Variants in PRICKLE1 observed in about 807,000 individuals in gnomAD.
PRICKLE1 encodes prickle-like protein 1.
In PRICKLE1, 14 loss-of-function variants were observed where a neutral mutation model predicts 70.2. The ratio of observed to expected loss-of-function variants is 0.20; its 90% CI spans 0.13 to 0.31. The LOEUF is 0.31. Among genes scored for constraint, PRICKLE1 ranks in the 10% least tolerant of loss-of-function variants. PRICKLE1 has a pLI of 1.00. For missense variants in PRICKLE1, 821 were observed against 1,026.2 expected (o/e 0.80, Z 2.73); for synonymous variants, 357 against 379.9 (o/e 0.94, Z 0.70).
intron 1 of PRICKLE1, among the ~76,000 whole-genome samples, chr12:42,546,187 A>C (rs984861314): frequency 7.9e-5 from 12 of 152,212 alleles, no homozygotes; most frequent in Admixed American, 6.5e-4. Flanking sequence ...ATAAGTTATG[A>C]ATACTCTGAA....
chr12:42,572,569 T>C (rs191033961), intron 1 of PRICKLE1, among the ~76,000 whole-genome samples: 159 of 152,244 alleles, frequency 1.0e-3, no homozygotes, highest in African/African-American at 3.6e-3. Context: ...AAGCTTGTAA[T>C]TCTAGCTCTT....
At chr12:42,515,919 T>C (rs1380402925) in intron 1 of PRICKLE1, among the ~76,000 whole-genome samples, 3 of 152,226 alleles carry the variant, frequency 2.0e-5, no homozygotes, top group African/African-American at 7.2e-5. Context: ...CAGAAATTCA[T>C]GTCCTTCTGT....
intron 1 of PRICKLE1, among the ~76,000 whole-genome samples, chr12:42,500,965 C>A (rs1348851083): frequency 6.6e-6 from 1 of 152,176 alleles, no homozygotes; most frequent in Non-Finnish European, 1.5e-5. Context: ...CATGGTCAAC[C>A]ATTTCTGAAC....
At position 42,464,311 on chromosome 12, in the gene PRICKLE1, G is replaced by A. The variant is rs1593105322; in HGVS notation, c.1639+84C>T. On this transcript the variant is annotated intron_variant, in intron 7 of 7. Transcript: ENST00000345127. This position sits in a 1 kb window ranked among gnomAD's most constrained non-coding sequence, Gnocchi z 4.2. ...GCTGGAATTATAGGCATGAGCCACT[G>A]CGCCTGGCTTGAATTGCAATTTTTT... 6.5e-7 allele frequency: 1 copy of A among 1,546,062 alleles called. No individual in the cohort carries two copies. Among genetic ancestry groups the A allele is most frequent in the Non-Finnish European group, 8.9e-7 (1 of 1,120,872 alleles).
At chr12:42,564,400 A>G (rs1283290305) in intron 1 of PRICKLE1, among the ~76,000 whole-genome samples, 1 of 152,142 alleles carries the variant, frequency 6.6e-6, no homozygotes. Context: ...TGAGGTCACG[A>G]GTTCGAGATC....
intron 1 of PRICKLE1, among the ~76,000 whole-genome samples, chr12:42,580,254 A>G (rs1940876407): frequency 6.6e-6 from 1 of 152,206 alleles, no homozygotes; most frequent in Non-Finnish European, 1.5e-5. Context: ...GAATTCATTC[A>G]TTCAACAAAT....
intron 1 of PRICKLE1, among the ~76,000 whole-genome samples, chr12:42,527,374 G>A (rs11181540): frequency 6.6e-6 from 1 of 151,740 alleles, no homozygotes; most frequent in African/African-American, 2.4e-5. Context: ...CTCAAGTGAT[G>A]TGCCTGCCTT....
intron 1 of PRICKLE1, chr12:42,484,309 A>C (rs1395394479): frequency 6.6e-6 from 1 of 152,122 alleles, no homozygotes; most frequent in Admixed American, 6.5e-5. Context: ...GAGCCCAGTG[A>C]GTGAAGCCGC....
intron 1 of PRICKLE1, among the ~76,000 whole-genome samples, chr12:42,487,632 A>C (rs545040530): frequency 2.0e-5 from 3 of 152,314 alleles, no homozygotes; most frequent in Non-Finnish European, 4.4e-5. Flanking sequence ...TTACTATGTG[A>C]CAATGGGAGG....
At chr12:42,587,143 G>T (rs1421515219) in intron 1 of PRICKLE1, among the ~76,000 whole-genome samples, 3 of 152,240 alleles carry the variant, frequency 2.0e-5, no homozygotes, top group South Asian at 2.1e-4. Context: ...AGAACTGATT[G>T]AATCTGTCAC....
In PRICKLE1 at chr12:42,464,413, C is replaced by T. The variant is rs763169354; in HGVS notation, c.1621G>A (p.Ala541Thr). 2 of 1,614,104 alleles carry T rather than the reference C, an allele frequency of 1.2e-6. No individual in the cohort carries two copies. The highest frequency in any genetic ancestry group is 4.5e-5 in the East Asian group (2 of 44,856). The change falls in exon 7 of 8, where the codon GCA (alanine) becomes ACA (threonine). Residue 541 changes from alanine (A) to threonine (T), a missense_variant. Coordinates refer to ENST00000345127, the MANE Select transcript of PRICKLE1 (RefSeq NM_153026.3). This position sits in a 1 kb window ranked among gnomAD's most constrained non-coding sequence, Gnocchi z 4.2. The stretch of plus-strand genomic sequence containing the variant: ...TACGTACCTGTGATATTGGACAATG[C>T]CAAAGAATCCATCGAATCCCGAACA... The part of the protein sequence containing the change: ...QSVRDSMDSL[A>T]LSNITGASVD...
chr12:42,574,666 C>G (rs1432285534), intron 1 of PRICKLE1, among the ~76,000 whole-genome samples: 1 of 152,150 alleles, frequency 6.6e-6, no homozygotes, highest in Non-Finnish European at 1.5e-5. Flanking sequence ...ACCCTTCCAA[C>G]CTAAGAAGGC....
intron 1 of PRICKLE1, among the ~76,000 whole-genome samples, chr12:42,541,189 TCAGAACAAAA>T (rs1033115140): frequency 2.0e-5 from 3 of 152,088 alleles, no homozygotes; most frequent in African/African-American, 7.2e-5. Context: ...TCCAGATAGC[TCAGAACAAAA>T]CAGAAGTTGG....
Position 42,464,878 on chromosome 12 carries a change from T to C in PRICKLE1, c.1156A>G (p.Ser386Gly). The C allele has an allele frequency of 6.2e-7, 1 of 1,614,148 alleles. No homozygotes were observed. The highest frequency in any genetic ancestry group is 8.5e-7 in the Non-Finnish European group (1 of 1,180,036). ...DDLSLSRQGT[S>G]FASEEFWKGR... Reference sequence around the variant, plus strand: ...TTCCAAAATTCTTCACTGGCAAAACTTGTTCCTTGTCTGGAGAGACTCAGA... The same window carrying C: ...TTCCAAAATTCTTCACTGGCAAAACCTGTTCCTTGTCTGGAGAGACTCAGA... Residue 386 changes from serine to glycine, a missense_variant, in exon 7 of 8, where the codon AGT becomes GGT. Transcript: ENST00000345127. This position sits in a 1 kb window ranked among gnomAD's most constrained non-coding sequence, Gnocchi z 4.2.
chr12:42,584,133 A>G (rs1940948742), intron 1 of PRICKLE1, among the ~76,000 whole-genome samples: 1 of 152,166 alleles, frequency 6.6e-6, no homozygotes. Context: ...TCGTGAAATT[A>G]TGTGCTGATT....
intron 1 of PRICKLE1, among the ~76,000 whole-genome samples, chr12:42,539,686 T>G (rs778178443): frequency 1.2e-4 from 19 of 152,192 alleles, no homozygotes; most frequent in Non-Finnish European, 8.8e-5. Context: ...ATTAAAAGCT[T>G]TAGAGTTAGG....
chr12:42,559,683 G>A (rs1346182025), intron 1 of PRICKLE1, among the ~76,000 whole-genome samples: 15 of 147,110 alleles, frequency 1.0e-4, no homozygotes, highest in Non-Finnish European at 2.1e-4. Context: ...AGCCTGATCT[G>A]GAACTCCTGG....
chr12:42,459,678 A>G lies in PRICKLE1; in HGVS notation c.*131T>C, dbSNP rs1270630738. 6.9e-6 allele frequency: 7 copies of G among 1,007,498 alleles called. No individual in the cohort carries two copies. The highest frequency in any genetic ancestry group is 1.1e-5 in the Non-Finnish European group (7 of 650,858). 62.4% of individuals were successfully genotyped at this position (1,007,498 alleles called of 1,614,324 possible). ...ATGTTAATCTGACACTGTAAACAGC[A>G]GTTGAGTTCTCATTTACATGGGCAA... On this transcript the variant is annotated 3_prime_UTR_variant, in exon 8 of 8. Transcript: ENST00000345127.
intron 1 of PRICKLE1, among the ~76,000 whole-genome samples, chr12:42,478,843 T>C (rs914954898): frequency 2.0e-5 from 3 of 152,124 alleles, no homozygotes; most frequent in Admixed American, 2.0e-4. Flanking sequence ...TCAAAATAGT[T>C]AAATAGCTAT....
Sources: allele counts gnomAD v4.1 joint callset (sites outside exome capture counted in the v4.1 genomes callset), GRCh38; gene constraint gnomAD v4.1.1; non-coding constraint Gnocchi (gnomAD v3.1); transcripts MANE v1.5; gene names NCBI Gene and HGNC (gene_info 2026-07-23, HGNC 2026-07-21).